The following FREY1 variants were observed in gnomAD, a reference collection of about 807,000 sequenced individuals.
FREY1 encodes protein Frey 1.
chr11:45,907,127 C>G, the FREY1 span: 12 of 1,554,808 alleles, frequency 7.7e-6, no homozygotes, highest in African/African-American at 1.5e-4. Flanking sequence ...GCCCTGCCCT[C>G]TGTGCCCCAG....
At chr11:45,906,667 G>T in the FREY1 span, 1 of 1,589,420 alleles carries the variant, frequency 6.3e-7, no homozygotes, top group Admixed American at 1.8e-5. Flanking sequence ...CGCGGCCTTG[G>T]GTGCTTGGGG....
At chr11:45,906,665 T>G in the FREY1 span, 1 of 1,589,724 alleles carries the variant, frequency 6.3e-7, no homozygotes, top group Non-Finnish European at 8.6e-7. Context: ...CTCGCGGCCT[T>G]GGGTGCTTGG....
the FREY1 span, chr11:45,906,818 G>GCGT: frequency 3.1e-6 from 5 of 1,611,028 alleles, no homozygotes; most frequent in African/African-American, 6.7e-5. Flanking sequence ...CCTCTTAGGG[G>GCGT]CGTCTCCACT....
chr11:45,906,754 C>A, the FREY1 span: 1 of 1,594,232 alleles, frequency 6.3e-7, no homozygotes, highest in South Asian at 1.1e-5. Context: ...CTGAAGTCAC[C>A]CTTGAACAGA....
At chr11:45,907,160 C>A in the FREY1 span, 1 of 1,556,850 alleles carries the variant, frequency 6.4e-7, no homozygotes, top group Non-Finnish European at 8.7e-7. Context: ...AGGCTGGGAG[C>A]GAAGCAGTGC....
At chr11:45,906,758 G>C in the FREY1 span, 196 of 1,595,246 alleles carry the variant, frequency 1.2e-4, no homozygotes, top group East Asian at 1.6e-4. Flanking sequence ...AGTCACCCTT[G>C]AACAGATGTG....
the FREY1 span, chr11:45,907,054 G>A: frequency 6.5e-7 from 1 of 1,536,026 alleles, no homozygotes; most frequent in East Asian, 2.3e-5. Flanking sequence ...GAACGCCCAG[G>A]GTACCAGGGC....
At chr11:45,906,648 C>G in the FREY1 span, 4 of 1,594,714 alleles carry the variant, frequency 2.5e-6, no homozygotes, top group Admixed American at 1.7e-5. Flanking sequence ...CAGGAGGGGT[C>G]GAGGCCCTCG....
At chr11:45,906,587 G>T in the FREY1 span, 1 of 1,568,072 alleles carries the variant, frequency 6.4e-7, no homozygotes, top group Non-Finnish European at 8.7e-7. Flanking sequence ...GTGCATCATA[G>T]TAATACTCGG....
At chr11:45,907,219 C>T in the FREY1 span, 2 of 1,554,154 alleles carry the variant, frequency 1.3e-6, no homozygotes, top group Non-Finnish European at 1.7e-6. Context: ...CCCGGGGGTG[C>T]AGAGCCCCCA....
the FREY1 span, chr11:45,906,916 A>T: frequency 2.5e-6 from 4 of 1,613,790 alleles, no homozygotes; most frequent in East Asian, 8.9e-5. Context: ...GGGGGCGGAA[A>T]ATGCCTCAGG....
the FREY1 span, chr11:45,906,752 A>C: frequency 4.4e-6 from 7 of 1,582,360 alleles, no homozygotes; most frequent in Non-Finnish European, 6.0e-6. Flanking sequence ...AACTGAAGTC[A>C]CCCTTGAACA....
chr11:45,906,694 A>G, the FREY1 span: 10 of 1,579,550 alleles, frequency 6.3e-6, no homozygotes, highest in African/African-American at 1.4e-5. Context: ...CCATAGTCTA[A>G]AGAGAGAAAA....
At chr11:45,906,789 G>T in the FREY1 span, 1 of 1,606,514 alleles carries the variant, frequency 6.2e-7, no homozygotes, top group South Asian at 1.1e-5. Context: ...ACAAGCCCCT[G>T]AAGGCTGGAC....
At chr11:45,906,653 C>T in the FREY1 span, 1 of 1,592,926 alleles carries the variant, frequency 6.3e-7, no homozygotes, top group Non-Finnish European at 8.6e-7. Flanking sequence ...GGGGTCGAGG[C>T]CCTCGCGGCC....
chr11:45,907,039 C>T, the FREY1 span: 2 of 1,542,464 alleles, frequency 1.3e-6, no homozygotes, highest in South Asian at 1.1e-5. Flanking sequence ...ACTTGGCAAG[C>T]CCTCGAACGC....
At chr11:45,906,801 T>TGG in the FREY1 span, 1 of 1,608,362 alleles carries the variant, frequency 6.2e-7, no homozygotes, top group Non-Finnish European at 8.5e-7. Context: ...AGGCTGGACT[T>TGG]GGGGCACCTC....
the FREY1 span, chr11:45,906,841 T>C: frequency 6.2e-7 from 1 of 1,612,460 alleles, no homozygotes; most frequent in Non-Finnish European, 8.5e-7. Context: ...CAGGGATGGG[T>C]AGGGGAAGGG....
At chr11:45,906,576 T>C in the FREY1 span, 2 of 1,550,900 alleles carry the variant, frequency 1.3e-6, no homozygotes, top group Non-Finnish European at 1.7e-6. Context: ...GGGTCATAGG[T>C]GTGCATCATA....
Sources: allele counts gnomAD v4.1 joint callset, GRCh38; gene constraint gnomAD v4.1.1; transcripts MANE v1.5; gene names NCBI Gene and HGNC (gene_info 2026-07-23, HGNC 2026-07-21).